STXBP6: variants seen among roughly 807,000 people sequenced by gnomAD.
STXBP6 encodes the protein syntaxin-binding protein 6.
A neutral mutation model predicts 26.9 loss-of-function variants in STXBP6; 21 were observed. The ratio of observed to expected loss-of-function variants is 0.78; its 90% CI spans 0.55 to 1.12. The LOEUF (loss-of-function observed/expected upper bound fraction) is 1.12, where lower values mean the gene tolerates loss of function less well. STXBP6 is among the 50% of genes most tolerant of loss of function. The pLI is 0.00. For synonymous variants in STXBP6, 97 were observed against 92.6 expected, an observed-to-expected ratio of 1.05 and a Z score of -0.27; for missense variants, 232 against 257.9, an observed-to-expected ratio of 0.90 and a Z score of 0.69.
intron 2 of STXBP6, among the ~76,000 whole-genome samples, chr14:24,858,153 A>G (rs2069405970): frequency 2.0e-5 from 3 of 152,242 alleles, no homozygotes; most frequent in Middle Eastern, 6.8e-3. Flanking sequence ...ACACTTTCGA[A>G]TAACTATGTA....
intron 2 of STXBP6, among the ~76,000 whole-genome samples, chr14:24,963,623 C>T (rs187741849): frequency 1.3e-4 from 20 of 152,198 alleles, no homozygotes; most frequent in Admixed American, 3.3e-4. Flanking sequence ...GAATTGAAAA[C>T]GGTGACAATG....
chr14:25,022,775 T>C (rs563931406), intron 1 of STXBP6, among the ~76,000 whole-genome samples: 1 of 152,282 alleles, frequency 6.6e-6, no homozygotes, highest in East Asian at 1.9e-4. Flanking sequence ...TCACCTACCA[T>C]CTCTATACTG....
intron 1 of STXBP6, among the ~76,000 whole-genome samples, chr14:25,028,260 G>T (rs186027276): frequency 6.6e-6 from 1 of 152,214 alleles, no homozygotes; most frequent in African/African-American, 2.4e-5. Context: ...CAGAGGAGAA[G>T]TCAAGGCCTT....
chr14:25,029,267 T>A (rs942146067), intron 1 of STXBP6, among the ~76,000 whole-genome samples: 1 of 152,112 alleles, frequency 6.6e-6, no homozygotes, highest in Non-Finnish European at 1.5e-5. Context: ...TTCACTGCTA[T>A]CTTATTTTAA....
chr14:24,953,890 C>T (rs942362434), intron 2 of STXBP6, among the ~76,000 whole-genome samples: 7 of 152,128 alleles, frequency 4.6e-5, no homozygotes, highest in African/African-American at 9.7e-5. Flanking sequence ...CGTGAAGCCA[C>T]GGAGTGCATA....
chr14:24,922,521 C>T (rs538700766), intron 2 of STXBP6, among the ~76,000 whole-genome samples: 2 of 152,186 alleles, frequency 1.3e-5, no homozygotes, highest in African/African-American at 4.8e-5. Context: ...CCTCTTTTCC[C>T]CTTACTAAAT....
intron 2 of STXBP6, among the ~76,000 whole-genome samples, chr14:24,868,622 G>C (rs2069808986): frequency 6.6e-6 from 1 of 152,168 alleles, no homozygotes; most frequent in African/African-American, 2.4e-5. Flanking sequence ...TTGTAAACAT[G>C]AAGCAGGAGT....
chr14:24,966,259 T>C (rs1425612589), intron 2 of STXBP6, among the ~76,000 whole-genome samples: 1 of 152,090 alleles, frequency 6.6e-6, no homozygotes, highest in Non-Finnish European at 1.5e-5. Flanking sequence ...GCTAAACCAC[T>C]AGAAAAGCTG....
chr14:24,839,979 C>T (rs971205408), intron 4 of STXBP6, among the ~76,000 whole-genome samples: 1 of 152,146 alleles, frequency 6.6e-6, no homozygotes, highest in Admixed American at 6.5e-5. Context: ...TATTTACTGA[C>T]TCCTTATCAT....
At chr14:25,023,869 T>C (rs529984609) in intron 1 of STXBP6, among the ~76,000 whole-genome samples, 2 of 152,302 alleles carry the variant, frequency 1.3e-5, no homozygotes, top group African/African-American at 4.8e-5. Flanking sequence ...AAACATATTA[T>C]CTGATTTGAT....
intron 4 of STXBP6, among the ~76,000 whole-genome samples, chr14:24,830,400 T>G (rs936255181): frequency 2.0e-5 from 3 of 151,988 alleles, no homozygotes; most frequent in African/African-American, 7.3e-5. Context: ...GTCAGTGAGA[T>G]GAGATGTATG....
intron 1 of STXBP6, among the ~76,000 whole-genome samples, chr14:25,006,924 C>T (rs1289985185): frequency 6.6e-6 from 1 of 152,098 alleles, no homozygotes; most frequent in East Asian, 1.9e-4. Flanking sequence ...CAATTCCTCA[C>T]TGAAATGTGG....
intron 2 of STXBP6, among the ~76,000 whole-genome samples, chr14:24,922,632 C>A (rs568903037): frequency 6.6e-6 from 1 of 152,212 alleles, no homozygotes; most frequent in South Asian, 2.1e-4. Flanking sequence ...TCCTTTCCAA[C>A]AGCAGCCTTG....
chr14:24,879,297 G>C (rs2070264602), intron 2 of STXBP6, among the ~76,000 whole-genome samples: 1 of 152,132 alleles, frequency 6.6e-6, no homozygotes, highest in African/African-American at 2.4e-5. Flanking sequence ...ATTACATAGA[G>C]AATGGAAGCA....
At position 24,822,263 on chromosome 14, in the gene STXBP6, C is replaced by T. The variant is rs375769226; in HGVS notation, c.452-3069G>A. Among the ~76,000 whole-genome samples, 113 of 152,246 alleles carry T rather than the reference C, an allele frequency of 7.4e-4. 1 individual carries two copies. Among genetic ancestry groups the T allele is most frequent in the African/African-American group, 2.6e-3 (108 of 41,548 alleles). On this transcript the variant is annotated intron_variant, in intron 4 of 5. Transcript: ENST00000323944. The stretch of plus-strand genomic sequence containing the variant: ...CGGAAATCTGGGAGTCTAGTCTAGA[C>T]ACCTTCCTCACTTTTATCCCATACA...
intron 1 of STXBP6, among the ~76,000 whole-genome samples, chr14:25,030,187 A>G (rs2075426244): frequency 6.6e-6 from 1 of 152,244 alleles, no homozygotes; most frequent in South Asian, 2.1e-4. Flanking sequence ...AATTGGATAG[A>G]GCAATTCAAC....
chr14:25,036,203 C>G (rs901081440), intron 1 of STXBP6, among the ~76,000 whole-genome samples: 12 of 112,150 alleles, frequency 1.1e-4, no homozygotes, highest in Admixed American at 9.9e-4. Flanking sequence ...GGCAACAGAG[C>G]AAGACTCCAT....
chr14:24,933,563 T>C (rs2072498102), intron 2 of STXBP6, among the ~76,000 whole-genome samples: 1 of 152,184 alleles, frequency 6.6e-6, no homozygotes, highest in Non-Finnish European at 1.5e-5. Flanking sequence ...ACTATTATTG[T>C]TGTTATTGTA....
At chr14:24,842,745 A>T (rs1167095919) in intron 4 of STXBP6, among the ~76,000 whole-genome samples, 1 of 152,184 alleles carries the variant, frequency 6.6e-6, no homozygotes, top group Non-Finnish European at 1.5e-5. Flanking sequence ...ACCTGAAATT[A>T]GATAGCCCCA....
Sources: allele counts gnomAD v4.1 joint callset (sites outside exome capture counted in the v4.1 genomes callset), GRCh38; gene constraint gnomAD v4.1.1; transcripts MANE v1.5; gene names NCBI Gene and HGNC (gene_info 2026-07-23, HGNC 2026-07-21).